Variants in SGCZ observed in about 807,000 individuals in gnomAD.
SGCZ encodes zeta-sarcoglycan.
A neutral mutation model predicts 41.3 loss-of-function variants in SGCZ; 40 were observed. That is an observed-to-expected ratio of 0.97 (90% confidence interval 0.75 to 1.26). The LOEUF is 1.26. Among genes scored for constraint, SGCZ ranks in the 50% most tolerant of loss-of-function variants. The pLI, the probability that SGCZ is intolerant of heterozygous loss-of-function variation, is 0.00. For synonymous variants in SGCZ, 206 were observed against 137.5 expected (o/e 1.50, Z -3.49); for missense variants, 552 against 369.8 (o/e 1.49, Z -4.04).
rs1051962612 is a variant in SGCZ at position 14,530,427 on chromosome 8, G to T, written c.234+24305C>A. Among the ~76,000 whole-genome samples, 9 of 151,982 alleles carry T rather than the reference G, an allele frequency of 5.9e-5. No homozygotes were observed. In the South Asian group the frequency reaches 8.3e-4, roughly 14 times the overall value. ...TATCTGTCTGATCATGTTTTTATTTGATAATACTTTCATTAGATTGATCAA... is the reference window on the plus strand; with the variant it reads ...TATCTGTCTGATCATGTTTTTATTTTATAATACTTTCATTAGATTGATCAA... On this transcript the variant is annotated intron_variant, in intron 2 of 7. Transcript: ENST00000382080.
At chr8:14,853,628 A>C (rs2130660525) in intron 1 of SGCZ, 1 of 359,804 alleles carries the variant, frequency 2.8e-6, no homozygotes, top group Non-Finnish European at 6.0e-6. Context: ...TCCTTTAAAG[A>C]ACTGAATCTA....
At chr8:14,870,746 C>G (rs1470192049) in intron 1 of SGCZ, among the ~76,000 whole-genome samples, 1 of 151,948 alleles carries the variant, frequency 6.6e-6, no homozygotes, top group Non-Finnish European at 1.5e-5. Context: ...AAAGACAACC[C>G]TGTCAAAAAG....
intron 4 of SGCZ, among the ~76,000 whole-genome samples, chr8:14,188,341 G>A (rs186891049): frequency 4.3e-4 from 66 of 152,212 alleles, no homozygotes; most frequent in East Asian, 2.1e-3. Context: ...AAATGGATCC[G>A]TACAGTAAAG....
At chr8:14,142,531 G>A (rs143874535) in intron 5 of SGCZ, among the ~76,000 whole-genome samples, 22 of 152,176 alleles carry the variant, frequency 1.4e-4, no homozygotes, top group Admixed American at 4.6e-4. Flanking sequence ...ACGTTGAGTC[G>A]TTTTCTGCTC....
At chr8:14,718,659 TA>T (rs34064324) in intron 1 of SGCZ, among the ~76,000 whole-genome samples, 149,609 of 151,500 alleles carry the variant, frequency 0.99, 73,887 homozygotes, top group East Asian at 1. Context: ...TATGCTATAA[TA>T]AAAAAACTGT....
intron 1 of SGCZ, among the ~76,000 whole-genome samples, chr8:15,081,739 C>T (rs1423228824): frequency 6.6e-6 from 1 of 152,020 alleles, no homozygotes; most frequent in African/African-American, 2.4e-5. Context: ...ACACCAATTT[C>T]CTTAAGAGGA....
chr8:15,208,936 A>G (rs1801157184), intron 1 of SGCZ, among the ~76,000 whole-genome samples: 1 of 151,552 alleles, frequency 6.6e-6, no homozygotes, highest in Non-Finnish European at 1.5e-5. Flanking sequence ...TGTTCCTAAT[A>G]CTATCTAAAA....
intron 1 of SGCZ, among the ~76,000 whole-genome samples, chr8:14,713,304 T>C (rs865933105): frequency 2.0e-5 from 3 of 152,210 alleles, no homozygotes; most frequent in Non-Finnish European, 4.4e-5. Flanking sequence ...CATTTTCAGA[T>C]ATTTTCATCC....
chr8:14,932,834 GA>G (rs983440078), intron 1 of SGCZ, among the ~76,000 whole-genome samples: 2 of 151,904 alleles, frequency 1.3e-5, no homozygotes, highest in African/African-American at 4.8e-5. Flanking sequence ...ACTAAAACAA[GA>G]AAAAATGTCA....
At chr8:14,549,919 G>A (rs537217325) in intron 2 of SGCZ, among the ~76,000 whole-genome samples, 5 of 152,042 alleles carry the variant, frequency 3.3e-5, no homozygotes, top group South Asian at 2.1e-4. Context: ...GAGTTAAGTT[G>A]GTAAGGTCAA....
intron 3 of SGCZ, among the ~76,000 whole-genome samples, chr8:14,255,098 C>A (rs1799413647): frequency 6.6e-6 from 1 of 152,112 alleles, no homozygotes; most frequent in South Asian, 2.1e-4. Flanking sequence ...TCTCTCTCGT[C>A]TCCCTCCCCC....
chr8:15,194,739 G>A (rs905001877), intron 1 of SGCZ, among the ~76,000 whole-genome samples: 4 of 152,132 alleles, frequency 2.6e-5, no homozygotes, highest in African/African-American at 9.7e-5. Context: ...GCCGCCTTTG[G>A]AAGTTAGAAC....
chr8:14,196,650 G>C (rs1052319304), intron 4 of SGCZ, among the ~76,000 whole-genome samples: 1 of 151,990 alleles, frequency 6.6e-6, no homozygotes, highest in Non-Finnish European at 1.5e-5. Context: ...TCATCGACTG[G>C]TAAATGAATA....
chr8:14,707,719 C>A (rs979540593), intron 1 of SGCZ, among the ~76,000 whole-genome samples: 5 of 152,022 alleles, frequency 3.3e-5, no homozygotes, highest in Non-Finnish European at 5.9e-5. Context: ...TAAAAATGAA[C>A]AATTGTTAGA....
chr8:14,678,935 C>T (rs891416800), intron 1 of SGCZ, among the ~76,000 whole-genome samples: 9 of 152,128 alleles, frequency 5.9e-5, no homozygotes, highest in African/African-American at 2.2e-4. Context: ...ATCTGAAAAG[C>T]CTACATACTG....
At chr8:14,410,400 G>GAA (rs112663668) in intron 2 of SGCZ, among the ~76,000 whole-genome samples, 39,931 of 145,606 alleles carry the variant, frequency 0.27, 5,642 homozygotes, top group African/African-American at 0.35. Flanking sequence ...AATAATTTAA[G>GAA]AAAAAAAAAA....
rs529999851 is a variant in SGCZ, at chr8:14,333,910, T to C, written c.235-9706A>G. Among the ~76,000 whole-genome samples, 15 of 152,218 alleles carry C rather than the reference T, an allele frequency of 9.9e-5. No homozygotes were observed. The South Asian group carries it at 3.1e-3, about 32-fold the overall frequency. ...CCTGTCTCCACAGATGTTTAGGAAG[T>C]CTATGTAAAGATTCAGTTGCGTCCT... On this transcript the variant is annotated intron_variant, in intron 2 of 7. Transcript: ENST00000382080.
chr8:14,624,555 ATTTTTTTTTTT>A (rs750064815), intron 1 of SGCZ, among the ~76,000 whole-genome samples: 1 of 96,268 alleles, frequency 1.0e-5, no homozygotes, highest in Non-Finnish European at 2.0e-5. Flanking sequence ...TATTATTATT[ATTTTTTTTTTT>A]TTTTTTTTTT....
chr8:14,866,655 A>C (rs1803942944), intron 1 of SGCZ, among the ~76,000 whole-genome samples: 1 of 152,030 alleles, frequency 6.6e-6, no homozygotes, highest in Admixed American at 6.6e-5. Context: ...ACAAAAATAC[A>C]AAGAATGAGC....
Sources: gnomAD v4.1 joint callset for allele counts (sites outside exome capture counted in the v4.1 genomes callset) on GRCh38, gnomAD v4.1.1 for gene constraint, MANE v1.5 for transcripts, NCBI Gene and HGNC (gene_info 2026-07-23, HGNC 2026-07-21) for gene names.